The following DTNA variants were observed in gnomAD, a reference collection of about 807,000 sequenced individuals.
DTNA encodes dystrobrevin alpha, also known as dystrophin-related protein 3.
In DTNA, 43 loss-of-function variants were observed where a neutral mutation model predicts 100.7. The ratio of observed to expected loss-of-function variants is 0.43; its 90% CI spans 0.33 to 0.55. The LOEUF (loss-of-function observed/expected upper bound fraction) is 0.55, where lower values mean the gene tolerates loss of function less well. Ranked by LOEUF, DTNA falls within the 20% of genes least tolerant of loss-of-function variation. The pLI is 0.04. For synonymous variants in DTNA, 349 were observed against 347.9 expected, an observed-to-expected ratio of 1.00 and a Z score of -0.04; for missense variants, 798 against 953.9, an observed-to-expected ratio of 0.84 and a Z score of 2.15.
At chr18:34,838,288 C>G in intron 12 of DTNA, 117 bp downstream of exon 12, 1 of 1,105,062 alleles carries the variant, frequency 9.0e-7, no homozygotes. Flanking sequence ...AAAAGCAGCT[C>G]TGCTTTAACC....
At chr18:34,509,080 C>T (rs769774641) in intron 1 of DTNA, among the ~76,000 whole-genome samples, 9 of 152,080 alleles carry the variant, frequency 5.9e-5, no homozygotes, top group South Asian at 2.1e-4. Context: ...TTTGCTTGGG[C>T]GTTTAAATGG....
chr18:34,605,127 A>AAC (rs955552039), intron 1 of DTNA, among the ~76,000 whole-genome samples: 21 of 152,002 alleles, frequency 1.4e-4, no homozygotes, highest in African/African-American at 5.1e-4. Flanking sequence ...AAAAAAAAAA[A>AAC]AATCTGGGTA....
chr18:34,747,213 A>G (rs533824451), intron 1 of DTNA, among the ~76,000 whole-genome samples: 2 of 152,144 alleles, frequency 1.3e-5, no homozygotes, highest in East Asian at 3.8e-4. Context: ...TTATAGAAAC[A>G]TACTGCAAAG....
At chr18:34,839,243 A>C (rs1046148944) in intron 13 of DTNA, among the ~76,000 whole-genome samples, 3 of 152,228 alleles carry the variant, frequency 2.0e-5, no homozygotes, top group Non-Finnish European at 4.4e-5. Flanking sequence ...ATTTTACTTA[A>C]GAGTGAAAAA....
At chr18:34,824,432 C>T (rs984982141) in intron 9 of DTNA, among the ~76,000 whole-genome samples, 11 of 151,574 alleles carry the variant, frequency 7.3e-5, no homozygotes, top group Admixed American at 5.9e-4. Context: ...GCCGAGATCG[C>T]GCCACCGCAC....
At chr18:34,602,748 A>C (rs1305673158) in intron 1 of DTNA, among the ~76,000 whole-genome samples, 1 of 151,970 alleles carries the variant, frequency 6.6e-6, no homozygotes, top group Non-Finnish European at 1.5e-5. Context: ...GTGGTGGCTC[A>C]TACCTGTAAT....
chr18:34,591,540 G>A (rs911427712), intron 1 of DTNA, among the ~76,000 whole-genome samples: 7 of 152,166 alleles, frequency 4.6e-5, no homozygotes, highest in African/African-American at 1.7e-4. Context: ...ACCCTTCTTA[G>A]TTCATTTGTG....
chr18:34,640,385 T>C (rs1271363115), intron 1 of DTNA, among the ~76,000 whole-genome samples: 5 of 152,206 alleles, frequency 3.3e-5, no homozygotes, highest in Non-Finnish European at 7.3e-5. Context: ...TCCTTCTGGC[T>C]TTACTCTGTA....
intron 17 of DTNA, among the ~76,000 whole-genome samples, chr18:34,872,099 T>C (rs572804819): frequency 6.6e-6 from 1 of 152,344 alleles, no homozygotes; most frequent in South Asian, 2.1e-4. Flanking sequence ...GATTTTCTTC[T>C]TATTGCAGAA....
rs763316035 is a variant in DTNA, at chr18:34,780,765, A to G, written c.149-13272A>G. On this transcript the variant is annotated intron_variant, in intron 3 of 22. Coordinates refer to ENST00000444659, the MANE Select transcript of DTNA (RefSeq NM_001386795.1). ...AAGCAGACCTCAGGACAAAACTTGC[A>G]TGGAAGCAGCTCACTGGGATAGTGA... is the stretch of plus-strand genomic sequence containing the variant. Among the ~76,000 whole-genome samples, 7 of 152,190 alleles carry G rather than the reference A, an allele frequency of 4.6e-5. No individual in the cohort carries two copies. The South Asian group carries it at 8.3e-4, about 18-fold the overall frequency.
At chr18:34,512,872 C>T (rs2041228578) in intron 1 of DTNA, among the ~76,000 whole-genome samples, 1 of 151,886 alleles carries the variant, frequency 6.6e-6, no homozygotes, top group Non-Finnish European at 1.5e-5. Flanking sequence ...AAAATTTTTC[C>T]ACTGTGATGA....
intron 1 of DTNA, among the ~76,000 whole-genome samples, chr18:34,694,380 T>C: frequency 6.6e-6 from 1 of 152,258 alleles, no homozygotes; most frequent in Admixed American, 6.5e-5. Flanking sequence ...TTCTTAGTAA[T>C]GACAATTTAC....
At position 34,742,967 on chromosome 18, in the gene DTNA, C is replaced by A. The variant is rs1601252526; in HGVS notation, c.-1-13009C>A. Among the ~76,000 whole-genome samples, 3 of 152,086 alleles carry A rather than the reference C, an allele frequency of 2.0e-5. No individual in the cohort carries two copies. In the South Asian group the frequency reaches 6.2e-4, roughly 32 times the overall value. The stretch of plus-strand genomic sequence containing the variant: ...AAGACTGAAAAAGAAGGCGCCTTCC[C>A]ACCAGCTATTCTTCCTCACTCAAAT... On this transcript the variant is annotated intron_variant, in intron 1 of 22. Transcript: ENST00000444659.
Position 34,884,833 on chromosome 18 carries a change from C to T in DTNA, c.*31+57C>T, listed in dbSNP as rs1054697815. ...GCCACTGTACACTGAATTCTGATAA[C>T]CTGTAATGCGAATTCACAATCACTT... is the stretch of plus-strand genomic sequence containing the variant. On this transcript the variant is annotated intron_variant, in intron 22 of 22. Transcript: ENST00000444659. 61 of 1,567,786 alleles carry T rather than the reference C, an allele frequency of 3.9e-5. 3 individuals are homozygous for T. In the South Asian group the frequency reaches 6.7e-4, roughly 17 times the overall value.
intron 1 of DTNA, among the ~76,000 whole-genome samples, chr18:34,740,531 A>G (rs973321500): frequency 6.6e-6 from 1 of 152,176 alleles, no homozygotes; most frequent in Non-Finnish European, 1.5e-5. Context: ...GGCACATCAC[A>G]AGCATGATTG....
intron 1 of DTNA, among the ~76,000 whole-genome samples, chr18:34,654,963 G>T (rs574289904): frequency 6.6e-6 from 1 of 152,270 alleles, no homozygotes; most frequent in African/African-American, 2.4e-5. Flanking sequence ...CTGACCTCAG[G>T]TGATCCACCT....
chr18:34,676,482 T>C (rs1052217210), intron 1 of DTNA, among the ~76,000 whole-genome samples: 2 of 152,186 alleles, frequency 1.3e-5, no homozygotes, highest in Non-Finnish European at 2.9e-5. Flanking sequence ...TAATTTCTAG[T>C]CACAAGTTAG....
intron 1 of DTNA, among the ~76,000 whole-genome samples, chr18:34,591,508 A>G (rs1385106398): frequency 1.3e-5 from 2 of 152,186 alleles, no homozygotes; most frequent in African/African-American, 2.4e-5. Flanking sequence ...AATGTGAACC[A>G]TTGATGGCCG....
intron 3 of DTNA, among the ~76,000 whole-genome samples, chr18:34,778,984 A>ATTTTTT (rs567464632): frequency 0.015 from 2,251 of 147,398 alleles, 65 homozygotes; most frequent in African/African-American, 0.051. Flanking sequence ...TGCCCAGCTA[A>ATTTTTT]TTTTTTTTTT....
Sources: gnomAD v4.1 joint callset for allele counts (sites outside exome capture counted in the v4.1 genomes callset) on GRCh38, gnomAD v4.1.1 for gene constraint, MANE v1.5 for transcripts, NCBI Gene and HGNC (gene_info 2026-07-23, HGNC 2026-07-21) for gene names.